The following HNF4A variants were observed in gnomAD, a reference collection of about 807,000 sequenced individuals.
The protein encoded by HNF4A is hepatocyte nuclear factor 4-alpha.
HNF4A carries 15 observed loss-of-function variants against 52.4 expected under a neutral mutation model. That is an observed-to-expected ratio of 0.29 (90% confidence interval 0.19 to 0.44). The LOEUF (loss-of-function observed/expected upper bound fraction) is 0.44. Ranked by LOEUF, HNF4A falls within the 20% of genes least tolerant of loss-of-function variation. The pLI is 1.00. For missense variants in HNF4A, 479 were observed against 647.2 expected, an observed-to-expected ratio of 0.74 and a Z score of 2.82; for synonymous variants, 280 against 264.4, an observed-to-expected ratio of 1.06 and a Z score of -0.57.
In HNF4A at chr20:44,406,242, C is replaced by T. The variant is rs758212948; in HGVS notation, c.290+10C>T. 2 of 1,612,120 alleles carry T rather than the reference C, an allele frequency of 1.2e-6. 1 individual carries two copies. Among genetic ancestry groups the T allele is most frequent in the South Asian group, 2.2e-5 (2 of 91,010 alleles). ...ACATGTACTCCTGCAGGTGAGGAGC[C>T]TCAATTTCTTCAGCTGGGAAATGGG... On this transcript the variant is annotated intron_variant, in intron 2 of 9. Transcript: ENST00000316099.
chr20:44,358,182 AC>A (rs1366506123), intron 1 of HNF4A, among the ~76,000 whole-genome samples: 1 of 148,234 alleles, frequency 6.7e-6, no homozygotes, highest in East Asian at 2.0e-4. Flanking sequence ...TCAAATCATT[AC>A]CCCTCTCTGA....
Position 44,428,455 on chromosome 20 carries a change from T to C in HNF4A, c.1250T>C (p.Met417Thr), listed in dbSNP as rs1018185646. The C allele has an allele frequency of 2.5e-6, 4 of 1,613,984 alleles. No homozygotes were observed. The highest frequency in any genetic ancestry group is 3.4e-6 in the Non-Finnish European group (4 of 1,180,026). Residue 417 changes from methionine to threonine, a missense_variant, in exon 9 of 10, where the codon ATG becomes ACG. Met to Thr is a moderately conservative substitution (Grantham distance 81). Coordinates refer to ENST00000316099, the MANE Select transcript of HNF4A (RefSeq NM_000457.6). ...CCCACTCACCTCAGCAACGGACAGA[T>C]GTGTGAGTGGCCCCGACCCAGGGGA...
chr20:44,366,482 A>G (rs1044883260), intron 1 of HNF4A, among the ~76,000 whole-genome samples: 1 of 152,064 alleles, frequency 6.6e-6, no homozygotes, highest in African/African-American at 2.4e-5. Flanking sequence ...TTAGCTGGGC[A>G]TGGTGGCACG....
chr20:44,364,456 A>AGTTTG (rs2062950085), intron 1 of HNF4A, among the ~76,000 whole-genome samples: 1 of 151,166 alleles, frequency 6.6e-6, no homozygotes, highest in Non-Finnish European at 1.5e-5. Flanking sequence ...ACCCAGGAAT[A>AGTTTG]GGTCATGCAA....
intron 8 of HNF4A, 49 bp from the exon 9 acceptor site, chr20:44,428,286 A>C (rs1415986466): frequency 1.2e-6 from 2 of 1,603,748 alleles, no homozygotes; most frequent in Non-Finnish European, 1.7e-6. Flanking sequence ...CCAAGGCCTG[A>C]GGTCTGCATC....
intron 8 of HNF4A, 94 bp from the exon 9 acceptor site, chr20:44,428,241 C>A: frequency 7.7e-7 from 1 of 1,297,908 alleles, no homozygotes; most frequent in Non-Finnish European, 1.1e-6. Flanking sequence ...ATTGGATGGG[C>A]TGGTTGATTG....
At chr20:44,365,105 C>A (rs1047786717) in intron 1 of HNF4A, among the ~76,000 whole-genome samples, 2 of 152,084 alleles carry the variant, frequency 1.3e-5, no homozygotes, top group Non-Finnish European at 2.9e-5. Context: ...CACACACACA[C>A]GTTAAATATG....
chr20:44,376,494 C>T (rs1201179742), intron 1 of HNF4A, among the ~76,000 whole-genome samples: 1 of 151,856 alleles, frequency 6.6e-6, no homozygotes, highest in East Asian at 1.9e-4. Flanking sequence ...ATATTATGAA[C>T]ATTTATGTAT....
At chr20:44,405,415 T>G (rs934042616) in intron 1 of HNF4A, among the ~76,000 whole-genome samples, 3 of 152,142 alleles carry the variant, frequency 2.0e-5, no homozygotes, top group Non-Finnish European at 4.4e-5. Context: ...AGTGGCAGCA[T>G]CAGCAGTAGT....
At chr20:44,419,921 A>G (rs1424000152) in intron 7 of HNF4A, 45 bp downstream of exon 7, 1 of 1,594,634 alleles carries the variant, frequency 6.3e-7, no homozygotes, top group East Asian at 2.2e-5. Flanking sequence ...TCTCTCCAGA[A>G]CGCTCTGCCA....
intron 1 of HNF4A, among the ~76,000 whole-genome samples, chr20:44,363,667 C>T (rs1441341271): frequency 6.6e-6 from 1 of 151,478 alleles, no homozygotes; most frequent in Non-Finnish European, 1.5e-5. Flanking sequence ...CTGTTTGTGA[C>T]CTCACTCAAG....
intron 1 of HNF4A, among the ~76,000 whole-genome samples, chr20:44,363,796 A>G (rs1429403994): frequency 6.7e-6 from 1 of 148,872 alleles, no homozygotes; most frequent in Non-Finnish European, 1.5e-5. Flanking sequence ...TCCTGGGTTC[A>G]AGCAATTCTC....
At chr20:44,365,586 A>G (rs1292662729) in intron 1 of HNF4A, among the ~76,000 whole-genome samples, 1 of 152,238 alleles carries the variant, frequency 6.6e-6, no homozygotes, top group African/African-American at 2.4e-5. Flanking sequence ...GAAGGGATAC[A>G]TCAGTGCTCA....
intron 1 of HNF4A, among the ~76,000 whole-genome samples, chr20:44,360,713 G>A (rs1338780312): frequency 6.6e-6 from 1 of 152,162 alleles, no homozygotes; most frequent in Non-Finnish European, 1.5e-5. Flanking sequence ...TAAGTGCCAG[G>A]TGAGCCTAAT....
intron 3 of HNF4A, among the ~76,000 whole-genome samples, chr20:44,410,936 T>C (rs1182492308): frequency 6.6e-6 from 1 of 151,336 alleles, no homozygotes; most frequent in Non-Finnish European, 1.5e-5. Context: ...GGCCTATAAG[T>C]CTCTGCCACA....
Position 44,402,422 on chromosome 20 carries a change from G to T in HNF4A, c.115+935G>T, listed in dbSNP as rs566706011. The T allele has an allele frequency of 2.6e-5, 11 of 423,998 alleles. No homozygotes were observed. The East Asian group carries it at 7.3e-4, about 28-fold the overall frequency. 26.3% of individuals were successfully genotyped at this position (423,998 alleles called of 1,614,324 possible). On this transcript the variant is annotated intron_variant, in intron 1 of 9. Transcript: ENST00000316099. ...TTTGTACCTGCTGTGTATATATGCAGTTCCCTGTGCTGCGGGCGGGGGTCA... is the reference window on the plus strand; with the variant it reads ...TTTGTACCTGCTGTGTATATATGCATTTCCCTGTGCTGCGGGCGGGGGTCA...
At chr20:44,384,226 G>A (rs2063192497) in intron 1 of HNF4A, among the ~76,000 whole-genome samples, 1 of 143,084 alleles carries the variant, frequency 7.0e-6, no homozygotes, top group Admixed American at 7.3e-5. Context: ...AAGGCAAATA[G>A]TATTAAGTCA....
rs912470350 is a variant in HNF4A at position 44,429,441 on chromosome 20, G to A, written c.1283-82G>A. 36 of 1,532,096 alleles carry A rather than the reference G, an allele frequency of 2.3e-5. No individual in the cohort carries two copies. The Admixed American group carries it at 3.0e-4, about 13-fold the overall frequency. The allele number at this position is 1,532,096 out of a possible 1,614,324, so 94.9% of individuals were successfully genotyped here. ...GTCAAGGTGGGGCAGGGTGGGAGGG[G>A]AGAACTTTCCCGGGCCTCTTCATTT... is the stretch of plus-strand genomic sequence containing the variant. On this transcript the variant is annotated intron_variant, in intron 9 of 9. Coordinates refer to ENST00000316099, the MANE Select transcript of HNF4A (RefSeq NM_000457.6).
At chr20:44,393,630 A>C (rs1395136266) in intron 1 of HNF4A, among the ~76,000 whole-genome samples, 1 of 152,012 alleles carries the variant, frequency 6.6e-6, no homozygotes, top group Non-Finnish European at 1.5e-5. Flanking sequence ...AACATTGCCT[A>C]CCTCCCAGAG....
Sources: gnomAD v4.1 joint callset for allele counts (sites outside exome capture counted in the v4.1 genomes callset) on GRCh38, gnomAD v4.1.1 for gene constraint, MANE v1.5 for transcripts, NCBI Gene and HGNC (gene_info 2026-07-23, HGNC 2026-07-21) for gene names.